Variants in NRXN1 observed in about 807,000 individuals in gnomAD.
The protein encoded by NRXN1 is neurexin-1.
In NRXN1, 39 loss-of-function variants were observed where a neutral mutation model predicts 150.9. That is an observed-to-expected ratio of 0.26 (90% CI 0.20 to 0.34). The LOEUF (loss-of-function observed/expected upper bound fraction) is 0.34. NRXN1 is among the 10% of genes least tolerant of loss of function. The probability of loss-of-function intolerance (pLI) is 1.00; values close to 1 mark genes in which losing one functional copy is unlikely to be tolerated. For missense variants in NRXN1, 1,815 were observed against 1,949.9 expected (o/e 0.93, Z 1.30); for synonymous variants, 924 against 757.0 (o/e 1.22, Z -3.62).
intron 2 of NRXN1, among the ~76,000 whole-genome samples, chr2:50,943,888 C>G (rs548358446): frequency 4.6e-5 from 7 of 152,184 alleles, no homozygotes; most frequent in African/African-American, 1.7e-4. Context: ...TCATCCTAAG[C>G]AACTCCTTAC....
At chr2:50,291,014 A>AT (rs1255148863) in intron 17 of NRXN1, among the ~76,000 whole-genome samples, 1 of 152,074 alleles carries the variant, frequency 6.6e-6, no homozygotes, top group Non-Finnish European at 1.5e-5. Context: ...TGACACCAGC[A>AT]TATTTCTATT....
chr2:50,306,834 G>A (rs2074659628), intron 17 of NRXN1, among the ~76,000 whole-genome samples: 1 of 152,064 alleles, frequency 6.6e-6, no homozygotes, highest in Non-Finnish European at 1.5e-5. Flanking sequence ...GGCTAAGGTG[G>A]CTTTTTGTTT....
At chr2:50,818,909 A>T (rs1419758038) in intron 5 of NRXN1, among the ~76,000 whole-genome samples, 1 of 152,150 alleles carries the variant, frequency 6.6e-6, no homozygotes, top group Admixed American at 6.6e-5. Flanking sequence ...ATATAAAAAG[A>T]TGATCAATAT....
intron 5 of NRXN1, among the ~76,000 whole-genome samples, chr2:50,783,547 A>G (rs1704641535): frequency 6.6e-6 from 1 of 152,138 alleles, no homozygotes; most frequent in South Asian, 2.1e-4. Context: ...CCCCAGATAA[A>G]TCACAGGCAC....
At chr2:50,987,951 G>T (rs1458125168) in intron 2 of NRXN1, among the ~76,000 whole-genome samples, 2 of 151,918 alleles carry the variant, frequency 1.3e-5, no homozygotes, top group African/African-American at 4.8e-5. Context: ...AATCAAAATG[G>T]ATTAATTTTT....
At chr2:50,580,289 G>A (rs1672056213) in intron 8 of NRXN1, among the ~76,000 whole-genome samples, 4 of 152,112 alleles carry the variant, frequency 2.6e-5, no homozygotes, top group Admixed American at 6.6e-5. Flanking sequence ...TTTATTGCAA[G>A]CATCCATCCT....
chr2:50,935,472 C>T (rs950675530), intron 2 of NRXN1, among the ~76,000 whole-genome samples: 3 of 152,082 alleles, frequency 2.0e-5, no homozygotes, highest in African/African-American at 4.8e-5. Flanking sequence ...TGGCTCAGGC[C>T]TATTATAATC....
intron 19 of NRXN1, among the ~76,000 whole-genome samples, chr2:50,057,058 T>G (rs1423198053): frequency 6.6e-6 from 1 of 152,180 alleles, no homozygotes; most frequent in Non-Finnish European, 1.5e-5. Flanking sequence ...ATCTTCTCTG[T>G]GATTAATCAC....
intron 5 of NRXN1, among the ~76,000 whole-genome samples, chr2:50,713,674 A>G (rs1028660991): frequency 2.0e-5 from 3 of 152,192 alleles, no homozygotes; most frequent in Admixed American, 6.5e-5. Flanking sequence ...ATGTGTCCAA[A>G]TGTACTTCGC....
chr2:50,186,250 A>G (rs899133860), intron 18 of NRXN1, among the ~76,000 whole-genome samples: 1 of 152,052 alleles, frequency 6.6e-6, no homozygotes, highest in Admixed American at 6.6e-5. Flanking sequence ...TCAACTAACA[A>G]GGGAATCTTT....
chr2:50,219,979 TATATATTATATATA>T (rs2063741918), intron 18 of NRXN1, among the ~76,000 whole-genome samples: 2 of 47,152 alleles, frequency 4.2e-5, no homozygotes, highest in Non-Finnish European at 3.4e-5. Context: ...ATATATAATA[TATATATTATATATA>T]ATATATATTA....
chr2:50,787,712 TAA>T (rs77473564), intron 5 of NRXN1, among the ~76,000 whole-genome samples: 14,273 of 144,326 alleles, frequency 0.099, 748 homozygotes, highest in Middle Eastern at 0.12. Flanking sequence ...AAACATGTAT[TAA>T]AAAAAAAAAA....
intron 5 of NRXN1, among the ~76,000 whole-genome samples, chr2:50,659,334 G>A (rs991379205): frequency 2.6e-5 from 4 of 151,946 alleles, no homozygotes; most frequent in Non-Finnish European, 5.9e-5. Flanking sequence ...ATGAAAACAC[G>A]TTCATTTGAT....
chr2:50,387,320 T>G (rs1019579368), intron 17 of NRXN1, among the ~76,000 whole-genome samples: 6 of 152,018 alleles, frequency 3.9e-5, no homozygotes, highest in African/African-American at 1.2e-4. Flanking sequence ...TCAGGGTGGG[T>G]GGGGTAAATT....
intron 18 of NRXN1, among the ~76,000 whole-genome samples, chr2:50,099,365 C>CTT (rs60580965): frequency 2.6e-5 from 4 of 151,602 alleles, no homozygotes; most frequent in Admixed American, 6.6e-5. Context: ...CATCAATTTT[C>CTT]TTTTTTTTAA....
rs544584648 is a variant in NRXN1 at position 50,299,670 on chromosome 2, GTTCT to G, written c.3365-62704_3365-62701del. Reference sequence around the variant, plus strand: ...GTCTGAACTTTTTATTATTCAAATTGTTCTTTATTTTTAAAAGTTAAAGGAAGAA... The same window carrying G: ...GTCTGAACTTTTTATTATTCAAATTGTTATTTTTAAAAGTTAAAGGAAGAA... On this transcript the variant is annotated intron_variant, in intron 17 of 22. Coordinates refer to ENST00000401669, the MANE Select transcript of NRXN1 (RefSeq NM_001330078.2). Among the ~76,000 whole-genome samples, 31 of 152,098 alleles carry G rather than the reference GTTCT, an allele frequency of 2.0e-4. No individual in the cohort carries two copies. The South Asian group carries it at 5.4e-3, about 26-fold the overall frequency.
chr2:50,826,643 C>T (rs1156244287), intron 5 of NRXN1, among the ~76,000 whole-genome samples: 1 of 152,132 alleles, frequency 6.6e-6, no homozygotes, highest in Non-Finnish European at 1.5e-5. Context: ...GATCAGATGA[C>T]TCCTAGGTGT....
chr2:49,924,208 T>A (rs1348940630), intron 22 of NRXN1, among the ~76,000 whole-genome samples: 6 of 152,226 alleles, frequency 3.9e-5, no homozygotes, highest in Non-Finnish European at 8.8e-5. Context: ...TTTGTTTAAA[T>A]GTTACCTAAA....
rs149823712 is a variant in NRXN1, at chr2:50,379,117, GA to G, written c.3364+86324del. On this transcript the variant is annotated intron_variant, in intron 17 of 22. Transcript: ENST00000401669. ...TTTGAACAGAGGAGAGGGATAGAAA[GA>G]AAAAAAAAGACTGGAAAAGAAAGAG... is the stretch of plus-strand genomic sequence containing the variant. Among the ~76,000 whole-genome samples the G allele has an allele frequency of 2.1e-4, 32 of 149,372 alleles. No individual in the cohort carries two copies. In the East Asian group the frequency reaches 4.7e-3, roughly 22 times the overall value.
Sources: gnomAD v4.1 joint callset for allele counts (sites outside exome capture counted in the v4.1 genomes callset) on GRCh38, gnomAD v4.1.1 for gene constraint, MANE v1.5 for transcripts, NCBI Gene and HGNC (gene_info 2026-07-23, HGNC 2026-07-21) for gene names.